SORCS2: variants seen among roughly 807,000 people sequenced by gnomAD.
SORCS2 encodes the protein VPS10 domain-containing receptor SorCS2.
Under a neutral mutation model 141.6 loss-of-function variants are expected in SORCS2, and 100 were observed. The observed-to-expected ratio is 0.71, with a 90% CI of 0.60 to 0.83. The LOEUF is 0.83. Among genes scored for constraint, SORCS2 ranks in the 40% least tolerant of loss-of-function variants. SORCS2 has a pLI of 0.00. For synonymous variants in SORCS2, 789 were observed against 676.9 expected (o/e 1.17, Z -2.57); for missense variants, 1,646 against 1,560.2 (o/e 1.05, Z -0.93).
chr4:7,291,472 C>A (rs540688698), intron 1 of SORCS2, among the ~76,000 whole-genome samples: 15 of 152,250 alleles, frequency 9.9e-5, no homozygotes, highest in African/African-American at 3.6e-4. Context: ...TCCCAGGGTT[C>A]TGGCTCGGTG....
intron 1 of SORCS2, among the ~76,000 whole-genome samples, chr4:7,215,269 C>T (rs1275783382): frequency 6.6e-6 from 1 of 152,216 alleles, no homozygotes; most frequent in Non-Finnish European, 1.5e-5. Flanking sequence ...GACTTAGCAC[C>T]CGGGCCAGCG....
chr4:7,689,534 G>A lies in SORCS2; in HGVS notation c.1537G>A (p.Val513Ile), dbSNP rs767510315. 45 of 1,607,114 alleles carry A rather than the reference G, an allele frequency of 2.8e-5. No individual in the cohort carries two copies. The highest frequency in any genetic ancestry group is 3.3e-4 in the Middle Eastern group (2 of 6,056). ...LHLRWADNPYVSGTVHTKDTA... is the reference protein window; with the variant it reads ...LHLRWADNPYISGTVHTKDTA... Reference sequence around the variant, plus strand: ...CCTGCGCTGGGCAGACAACCCCTACGTATCAGGCACCGTGCACACCAAGGA... The same window carrying A: ...CCTGCGCTGGGCAGACAACCCCTACATATCAGGCACCGTGCACACCAAGGA... The change falls in exon 11 of 27, where the codon GTA becomes ATA. Residue 513 changes from valine to isoleucine, a missense_variant. Coordinates refer to ENST00000507866, the MANE Select transcript of SORCS2 (RefSeq NM_020777.3).
chr4:7,324,970 C>A (rs1719150623), intron 1 of SORCS2, among the ~76,000 whole-genome samples: 1 of 152,186 alleles, frequency 6.6e-6, no homozygotes, highest in Non-Finnish European at 1.5e-5. Context: ...GCGCCCTGGC[C>A]TGGAAGGAGT....
chr4:7,285,010 TGGGAC>T (rs1347647321), intron 1 of SORCS2, among the ~76,000 whole-genome samples: 93 of 149,948 alleles, frequency 6.2e-4, no homozygotes, highest in African/African-American at 2.2e-3. Flanking sequence ...CCCGCTCACC[TGGGAC>T]CATCCCATAT....
intron 1 of SORCS2, among the ~76,000 whole-genome samples, chr4:7,297,366 C>T (rs1717145265): frequency 6.6e-6 from 1 of 152,182 alleles, no homozygotes; most frequent in Admixed American, 6.5e-5. Flanking sequence ...CAGCCCTGTC[C>T]CCTGCATGAA....
intron 2 of SORCS2, among the ~76,000 whole-genome samples, chr4:7,511,256 A>T (rs765257561): frequency 6.6e-6 from 1 of 152,112 alleles, no homozygotes; most frequent in Non-Finnish European, 1.5e-5. Context: ...ATGACAGGCC[A>T]GACAGAGAGC....
At chr4:7,525,960 T>C (rs35589546) in intron 2 of SORCS2, among the ~76,000 whole-genome samples, 1,248 of 63,964 alleles carry the variant, frequency 0.02, 111 homozygotes, top group Middle Eastern at 0.048. Context: ...CCTGTCCCCT[T>C]CTCAGTCACC....
intron 2 of SORCS2, among the ~76,000 whole-genome samples, chr4:7,491,418 G>A (rs2109401548): frequency 6.6e-6 from 1 of 152,364 alleles, no homozygotes; most frequent in Non-Finnish European, 1.5e-5. Flanking sequence ...GCATGAGCAT[G>A]CCCCTCTCTG....
intron 2 of SORCS2, among the ~76,000 whole-genome samples, chr4:7,477,406 T>C (rs71612274): frequency 2.1e-5 from 3 of 139,928 alleles, no homozygotes; most frequent in Admixed American, 1.4e-4. Flanking sequence ...CATGGCTGAC[T>C]GGGGCTGACC....
chr4:7,447,808 A>G (rs1014241892), intron 2 of SORCS2, among the ~76,000 whole-genome samples: 2 of 152,170 alleles, frequency 1.3e-5, no homozygotes, highest in African/African-American at 4.8e-5. Context: ...GAGCCTGTGC[A>G]TCCCAGGATG....
At chr4:7,376,671 GCA>G (rs1355873649) in intron 1 of SORCS2, among the ~76,000 whole-genome samples, 1 of 152,052 alleles carries the variant, frequency 6.6e-6, no homozygotes, top group Admixed American at 6.6e-5. Flanking sequence ...CATTTTCTGC[GCA>G]TGTCTATGTG....
rs1486671790 is a variant in SORCS2 at position 7,288,698 on chromosome 4, G to T, written c.480+95572G>T. Among the ~76,000 whole-genome samples the T allele has an allele frequency of 2.0e-5, 3 of 148,522 alleles. No individual in the cohort carries two copies. In the East Asian group the frequency reaches 5.9e-4, roughly 29 times the overall value. The stretch of plus-strand genomic sequence containing the variant: ...TATTGGATTAGGTCCCTACTCCTGT[G>T]ACCTCTTTAACCTTAATCACCTTCT... On this transcript the variant is annotated intron_variant, in intron 1 of 26. Coordinates refer to ENST00000507866, the MANE Select transcript of SORCS2 (RefSeq NM_020777.3).
At chr4:7,347,367 C>G (rs922383717) in intron 1 of SORCS2, among the ~76,000 whole-genome samples, 1 of 152,238 alleles carries the variant, frequency 6.6e-6, no homozygotes, top group African/African-American at 2.4e-5. Context: ...ATGGGCCACG[C>G]CTCGTGCCGG....
chr4:7,374,139 C>A (rs1187743119), intron 1 of SORCS2, among the ~76,000 whole-genome samples: 3 of 125,316 alleles, frequency 2.4e-5, no homozygotes, highest in Non-Finnish European at 5.1e-5. Context: ...CTCTTTCTTT[C>A]TTTCTTTCTT....
chr4:7,468,836 C>T (rs969278478), intron 2 of SORCS2, among the ~76,000 whole-genome samples: 1 of 152,224 alleles, frequency 6.6e-6, no homozygotes, highest in Non-Finnish European at 1.5e-5. Flanking sequence ...TGCATTTGAT[C>T]TTCCCCTTCC....
chr4:7,299,724 C>A (rs1206213446), intron 1 of SORCS2, among the ~76,000 whole-genome samples: 1 of 152,210 alleles, frequency 6.6e-6, no homozygotes, highest in East Asian at 1.9e-4. Context: ...CTGTGTCTTC[C>A]TCCAACTTCC....
chr4:7,701,419 G>A (rs900135553), intron 12 of SORCS2, among the ~76,000 whole-genome samples: 1 of 152,158 alleles, frequency 6.6e-6, no homozygotes, highest in Non-Finnish European at 1.5e-5. Context: ...AGCCGACTGT[G>A]ATAACCAGGA....
At chr4:7,591,421 A>G (rs1716905841) in intron 3 of SORCS2, among the ~76,000 whole-genome samples, 1 of 152,116 alleles carries the variant, frequency 6.6e-6, no homozygotes, top group Non-Finnish European at 1.5e-5. Context: ...TGCGAGCTCC[A>G]TCAGGCCATC....
intron 3 of SORCS2, among the ~76,000 whole-genome samples, chr4:7,534,243 C>T (rs1711915033): frequency 6.6e-6 from 1 of 152,210 alleles, no homozygotes; most frequent in African/African-American, 2.4e-5. Flanking sequence ...TCAGGTTTGC[C>T]TGGGTGCAGA....
Sources: gnomAD v4.1 joint callset for allele counts (sites outside exome capture counted in the v4.1 genomes callset) on GRCh38, gnomAD v4.1.1 for gene constraint, MANE v1.5 for transcripts, NCBI Gene and HGNC (gene_info 2026-07-23, HGNC 2026-07-21) for gene names.